CYP2C19: variants seen among roughly 807,000 people sequenced by gnomAD.
CYP2C19 encodes the protein cytochrome P450 2C19.
Under a neutral mutation model 40.9 loss-of-function variants are expected in CYP2C19, and 59 were observed. That is an observed-to-expected ratio of 1.44 (90% CI 1.17 to 1.79). CYP2C19 has a LOEUF of 1.79. CYP2C19 is among the 40% of genes most tolerant of loss of function. The pLI, the probability that CYP2C19 is intolerant of heterozygous loss-of-function variation, is 0.00. For synonymous variants in CYP2C19, 253 were observed against 208.7 expected (o/e 1.21, Z -1.83); for missense variants, 754 against 596.9 (o/e 1.26, Z -2.74).
intron 7 of CYP2C19, among the ~76,000 whole-genome samples, chr10:94,846,030 T>C (rs144832270): frequency 9.5e-4 from 145 of 152,250 alleles, no homozygotes; most frequent in Non-Finnish European, 1.7e-3. Flanking sequence ...GCATTCATAG[T>C]ATGGAGTTAT....
rs922422295 is a variant in CYP2C19 at position 94,820,630 on chromosome 10, G to C, written c.954G>C (p.Glu318Asp). ...YALLLLLKHP[E>D]VTAKVQEEIE... is the part of the protein sequence containing the mutation. ...TCCTTCTCCTGCTGAAGCACCCAGA[G>C]GTCACAGGTATGATCACAGAGGATG... Residue 318 changes from glutamate to aspartate, a missense_variant, in exon 6 of 9, where the codon GAG becomes GAC. Physicochemically the swap from Glu to Asp is conservative, Grantham distance 45 (BLOSUM62 2). Transcript: ENST00000371321. 8 of 1,614,024 alleles carry C rather than the reference G, an allele frequency of 5.0e-6. No homozygotes were observed. In the African/African-American group the frequency reaches 9.3e-5, roughly 19 times the overall value.
chr10:94,806,437 A>T (rs1848837357), intron 5 of CYP2C19, among the ~76,000 whole-genome samples: 1 of 151,800 alleles, frequency 6.6e-6, no homozygotes. Flanking sequence ...CATTTCTGGG[A>T]TATGTGGTAA....
chr10:94,824,595 T>G (rs1408313257), intron 6 of CYP2C19, among the ~76,000 whole-genome samples: 1 of 152,202 alleles, frequency 6.6e-6, no homozygotes, highest in African/African-American at 2.4e-5. Flanking sequence ...AATTAATTCC[T>G]GTTTTTTTCC....
intron 1 of CYP2C19, among the ~76,000 whole-genome samples, chr10:94,766,381 A>G (rs1459167207): frequency 6.6e-6 from 1 of 152,096 alleles, no homozygotes; most frequent in African/African-American, 2.4e-5. Context: ...CTGGAAGATG[A>G]GATCATTTTA....
chr10:94,780,579 G>C lies in CYP2C19; in HGVS notation c.562G>C (p.Asp188His). 1.9e-6 allele frequency: 3 copies of C among 1,613,758 alleles called. No homozygotes were observed. Among genetic ancestry groups the C allele is most frequent in the Non-Finnish European group, 2.5e-6 (3 of 1,179,886 alleles). The change falls in exon 4 of 9, where the codon GAT becomes CAT. Residue 188 changes from aspartate (D) to histidine (H), a missense_variant. Coordinates refer to ENST00000371321, the MANE Select transcript of CYP2C19 (RefSeq NM_000769.4). The part of the protein sequence containing the change: ...ICSIIFQKRF[D>H]YKDQQFLNLM... ...CTCCATTATTTTCCAGAAACGTTTC[G>C]ATTATAAAGATCAGCAATTTCTTAA...
chr10:94,832,458 AT>A (rs1170241325), intron 6 of CYP2C19, among the ~76,000 whole-genome samples: 2 of 152,186 alleles, frequency 1.3e-5, no homozygotes, highest in African/African-American at 4.8e-5. Flanking sequence ...TGTTTCAATT[AT>A]CCCCACATGG....
At chr10:94,821,632 A>G (rs566308840) in intron 6 of CYP2C19, among the ~76,000 whole-genome samples, 8 of 152,294 alleles carry the variant, frequency 5.3e-5, no homozygotes, top group African/African-American at 1.9e-4. Flanking sequence ...GAACAACTTT[A>G]CTTTAGAAAT....
chr10:94,777,232 T>C (rs58447435), intron 3 of CYP2C19, among the ~76,000 whole-genome samples: 26,365 of 152,112 alleles, frequency 0.17, 2,554 homozygotes, highest in South Asian at 0.33. Context: ...TTGCCAAAAG[T>C]AATTTATAGG....
chr10:94,833,769 T>A (rs966950391), intron 6 of CYP2C19, among the ~76,000 whole-genome samples: 1 of 152,374 alleles, frequency 6.6e-6, no homozygotes, highest in East Asian at 1.9e-4. Flanking sequence ...ATATGGTTTT[T>A]ATCCTTCATT....
At chr10:94,821,419 T>G (rs568819557) in intron 6 of CYP2C19, among the ~76,000 whole-genome samples, 4 of 152,280 alleles carry the variant, frequency 2.6e-5, no homozygotes, top group Admixed American at 2.6e-4. Context: ...ATCCTAGAAA[T>G]GTAGTGAGGC....
chr10:94,782,594 G>A (rs537387211), intron 5 of CYP2C19, among the ~76,000 whole-genome samples: 2 of 152,064 alleles, frequency 1.3e-5, no homozygotes, highest in Admixed American at 1.3e-4. Flanking sequence ...ATTTGACCCA[G>A]CAATCCAATT....
intron 6 of CYP2C19, among the ~76,000 whole-genome samples, chr10:94,840,120 G>C (rs945302485): frequency 1.3e-5 from 2 of 152,002 alleles, no homozygotes; most frequent in Admixed American, 6.5e-5. Flanking sequence ...CCCATCCGCG[G>C]GTTACTGGGT....
chr10:94,786,605 C>T (rs906682045), intron 5 of CYP2C19, among the ~76,000 whole-genome samples: 3 of 152,014 alleles, frequency 2.0e-5, no homozygotes, highest in African/African-American at 7.2e-5. Flanking sequence ...TTGTGTGATG[C>T]TGAAGTTTAG....
At chr10:94,800,541 GC>G (rs1481479426) in intron 5 of CYP2C19, among the ~76,000 whole-genome samples, 1 of 152,184 alleles carries the variant, frequency 6.6e-6, no homozygotes, top group Non-Finnish European at 1.5e-5. Flanking sequence ...GGTGGGAGAA[GC>G]ACTGCTCTCT....
chr10:94,804,654 GCT>G (rs1848809600), intron 5 of CYP2C19, among the ~76,000 whole-genome samples: 1 of 152,122 alleles, frequency 6.6e-6, no homozygotes. Context: ...GCCAGGGGAG[GCT>G]CTCTTTCACA....
chr10:94,795,187 T>C (rs1192753586), intron 5 of CYP2C19, among the ~76,000 whole-genome samples: 1 of 124,666 alleles, frequency 8.0e-6, no homozygotes, highest in Non-Finnish European at 1.6e-5. Flanking sequence ...CAGTGTGTGA[T>C]ATTCTCCTTC....
At chr10:94,810,459 G>C (rs187145450) in intron 5 of CYP2C19, among the ~76,000 whole-genome samples, 2 of 152,240 alleles carry the variant, frequency 1.3e-5, no homozygotes, top group East Asian at 3.9e-4. Context: ...CAGAAGGAAT[G>C]GTACCAGCTC....
intron 5 of CYP2C19, among the ~76,000 whole-genome samples, chr10:94,800,603 T>A (rs1412060191): frequency 6.6e-6 from 1 of 152,160 alleles, no homozygotes; most frequent in African/African-American, 2.4e-5. Flanking sequence ...GTCTGCTGCC[T>A]TTTTTTCAGC....
chr10:94,840,416 G>T (rs1172227608), intron 6 of CYP2C19, among the ~76,000 whole-genome samples: 1 of 149,664 alleles, frequency 6.7e-6, no homozygotes, highest in African/African-American at 2.5e-5. Flanking sequence ...GGATACCAGG[G>T]ATAAGACTCC....
Sources: allele counts gnomAD v4.1 joint callset (sites outside exome capture counted in the v4.1 genomes callset), GRCh38; gene constraint gnomAD v4.1.1; transcripts MANE v1.5; gene names NCBI Gene and HGNC (gene_info 2026-07-23, HGNC 2026-07-21).